The following CNTNAP2 variants were observed in gnomAD, a reference collection of about 807,000 sequenced individuals.
CNTNAP2 encodes contactin associated protein 2.
In CNTNAP2, 98 loss-of-function variants were observed where a neutral mutation model predicts 155.2. The observed-to-expected ratio is 0.63, with a 90% CI of 0.54 to 0.75. The LOEUF (loss-of-function observed/expected upper bound fraction) is 0.75, where lower values mean the gene tolerates loss of function less well. Among genes scored for constraint, CNTNAP2 ranks in the 30% least tolerant of loss-of-function variants. The pLI, the probability that CNTNAP2 is intolerant of heterozygous loss-of-function variation, is 0.00. For missense variants in CNTNAP2, 1,727 were observed against 1,688.1 expected, an observed-to-expected ratio of 1.02 and a Z score of -0.40; for synonymous variants, 651 against 631.2, an observed-to-expected ratio of 1.03 and a Z score of -0.47.
intron 10 of CNTNAP2, among the ~76,000 whole-genome samples, chr7:147,408,318 T>G (rs1442126737): frequency 6.6e-6 from 1 of 152,322 alleles, no homozygotes; most frequent in East Asian, 1.9e-4. Flanking sequence ...GCACATGCTA[T>G]AGGCATTCCA....
At chr7:147,565,347 G>A (rs1025342746) in intron 12 of CNTNAP2, among the ~76,000 whole-genome samples, 5 of 152,140 alleles carry the variant, frequency 3.3e-5, no homozygotes, top group Admixed American at 6.5e-5. Flanking sequence ...CCAGCCATAA[G>A]GAGTGTAGGG....
intron 18 of CNTNAP2, among the ~76,000 whole-genome samples, chr7:148,197,265 T>C (rs991803332): frequency 1.3e-5 from 2 of 152,226 alleles, no homozygotes; most frequent in African/African-American, 2.4e-5. Context: ...ATTTCTTGAT[T>C]AGAACCCAGT....
chr7:148,335,898 C>G (rs1798107790), intron 21 of CNTNAP2, among the ~76,000 whole-genome samples: 1 of 151,868 alleles, frequency 6.6e-6, no homozygotes, highest in Admixed American at 6.6e-5. Flanking sequence ...GCTCAGTTCT[C>G]CTGGCTTGAA....
At chr7:148,123,633 C>CAGGA (rs35150868) in intron 16 of CNTNAP2, among the ~76,000 whole-genome samples, 11,149 of 118,230 alleles carry the variant, frequency 0.094, 560 homozygotes, top group Admixed American at 0.1. Flanking sequence ...GAAGGGAGAG[C>CAGGA]AGGAAGGAAG....
At chr7:146,686,865 G>A (rs757660805) in intron 1 of CNTNAP2, among the ~76,000 whole-genome samples, 4 of 152,152 alleles carry the variant, frequency 2.6e-5, no homozygotes, top group African/African-American at 9.7e-5. Flanking sequence ...AATGTTTGTC[G>A]TAACATAGGG....
At chr7:146,818,655 T>C (rs1803220121) in intron 2 of CNTNAP2, among the ~76,000 whole-genome samples, 2 of 152,134 alleles carry the variant, frequency 1.3e-5, no homozygotes, top group South Asian at 4.1e-4. Flanking sequence ...GTTTTTAGCA[T>C]GTGTAAAATA....
chr7:146,471,554 A>G (rs1375938606), intron 1 of CNTNAP2, among the ~76,000 whole-genome samples: 1 of 152,224 alleles, frequency 6.6e-6, no homozygotes, highest in Non-Finnish European at 1.5e-5. Context: ...TTTCTGTTCC[A>G]TTTCCATGTG....
intron 1 of CNTNAP2, among the ~76,000 whole-genome samples, chr7:146,275,908 G>A (rs1800156266): frequency 6.6e-6 from 1 of 152,148 alleles, no homozygotes; most frequent in African/African-American, 2.4e-5. Flanking sequence ...GGCAATGCCT[G>A]GAGACATTTT....
At chr7:146,679,294 G>A (rs1428262684) in intron 1 of CNTNAP2, among the ~76,000 whole-genome samples, 4 of 150,380 alleles carry the variant, frequency 2.7e-5, no homozygotes, top group Admixed American at 1.3e-4. Flanking sequence ...AGTTTGCTAA[G>A]GATTATGGCC....
At position 147,907,307 on chromosome 7, in the gene CNTNAP2, C is replaced by T. The variant is rs145591459; in HGVS notation, c.2255+3586C>T. Among the ~76,000 whole-genome samples, 4 of 152,148 alleles carry T rather than the reference C, an allele frequency of 2.6e-5. 1 individual carries two copies. The highest frequency in any genetic ancestry group is 5.9e-5 in the Non-Finnish European group (4 of 68,026). ...TCCTGACCTCGTGATCTGCCCACCTCGGCCTCCCAAAGTGCTGGGATTACA... is the reference window on the plus strand; with the variant it reads ...TCCTGACCTCGTGATCTGCCCACCTTGGCCTCCCAAAGTGCTGGGATTACA... On this transcript the variant is annotated intron_variant, in intron 14 of 23. Coordinates refer to ENST00000361727, the MANE Select transcript of CNTNAP2 (RefSeq NM_014141.6).
At chr7:146,988,220 A>T (rs934392082) in intron 3 of CNTNAP2, among the ~76,000 whole-genome samples, 2 of 152,142 alleles carry the variant, frequency 1.3e-5, no homozygotes, top group Non-Finnish European at 2.9e-5. Flanking sequence ...TAAAATGAAT[A>T]AAGTTTTAAT....
rs202181279 is a variant in CNTNAP2, at chr7:148,139,132, C to T, written c.2555-8359C>T. 1.1e-4 allele frequency among the ~76,000 whole-genome samples: 17 copies of T among 152,246 alleles called. No homozygotes were observed. In the East Asian group the frequency reaches 3.3e-3, roughly 29 times the overall value. ...TTATACTCAAGAGGTTATCGAGATACCAGAGATTTTAAAATGAGTTCGTAA... is the reference window on the plus strand; with the variant it reads ...TTATACTCAAGAGGTTATCGAGATATCAGAGATTTTAAAATGAGTTCGTAA... On this transcript the variant is annotated intron_variant, in intron 16 of 23. Coordinates refer to ENST00000361727, the MANE Select transcript of CNTNAP2 (RefSeq NM_014141.6).
chr7:147,232,300 T>C (rs1274909757), intron 8 of CNTNAP2, among the ~76,000 whole-genome samples: 1 of 152,246 alleles, frequency 6.6e-6, no homozygotes, highest in Non-Finnish European at 1.5e-5. Context: ...CAATGGCGTT[T>C]TTCACGGAAA....
At chr7:146,942,580 C>T (rs1375361178) in intron 3 of CNTNAP2, among the ~76,000 whole-genome samples, 4 of 151,794 alleles carry the variant, frequency 2.6e-5, no homozygotes, top group Admixed American at 2.0e-4. Context: ...ATAAAAAGGC[C>T]GACACTGCAG....
chr7:146,526,870 G>A (rs1797698598), intron 1 of CNTNAP2, among the ~76,000 whole-genome samples: 1 of 152,022 alleles, frequency 6.6e-6, no homozygotes, highest in Admixed American at 6.6e-5. Context: ...AAAGAGTTAT[G>A]TCAGTTTACG....
chr7:146,578,934 GA>G (rs1798566888), intron 1 of CNTNAP2, among the ~76,000 whole-genome samples: 1 of 151,988 alleles, frequency 6.6e-6, no homozygotes, highest in African/African-American at 2.4e-5. Flanking sequence ...TTTTCCAGAT[GA>G]AAAAGTCCTT....
chr7:147,071,863 T>A (rs979718957), intron 4 of CNTNAP2, among the ~76,000 whole-genome samples: 2 of 152,194 alleles, frequency 1.3e-5, no homozygotes, highest in Non-Finnish European at 2.9e-5. Context: ...TGTTTGGTCA[T>A]AATAACAATC....
chr7:146,799,455 A>C (rs1292098104), intron 2 of CNTNAP2, among the ~76,000 whole-genome samples: 1 of 152,214 alleles, frequency 6.6e-6, no homozygotes, highest in African/African-American at 2.4e-5. Context: ...GTTGAAAGAT[A>C]ATTTTCATCT....
chr7:146,745,960 T>C (rs774288289), intron 1 of CNTNAP2, among the ~76,000 whole-genome samples: 26 of 152,144 alleles, frequency 1.7e-4, no homozygotes, highest in Non-Finnish European at 3.1e-4. Flanking sequence ...GTGAAATCTC[T>C]TCATTAAGCA....
Sources: allele counts gnomAD v4.1 joint callset (sites outside exome capture counted in the v4.1 genomes callset), GRCh38; gene constraint gnomAD v4.1.1; transcripts MANE v1.5; gene names NCBI Gene and HGNC (gene_info 2026-07-23, HGNC 2026-07-21).